BACH1: variants seen among roughly 807,000 people sequenced by gnomAD.
The protein encoded by BACH1 is transcription regulator protein BACH1.
In BACH1, 35 loss-of-function variants were observed where a neutral mutation model predicts 52.9. The observed-to-expected ratio is 0.66, with a 90% CI of 0.51 to 0.88. The LOEUF is 0.88. Among genes scored for constraint, BACH1 ranks in the 40% least tolerant of loss-of-function variants. The pLI is 0.00. For synonymous variants in BACH1, 321 were observed against 319.6 expected (o/e 1.00, Z -0.05); for missense variants, 808 against 872.6 (o/e 0.93, Z 0.93).
intron 2 of BACH1, among the ~76,000 whole-genome samples, chr21:29,351,333 T>C (rs1301542982): frequency 6.6e-6 from 1 of 152,204 alleles, no homozygotes; most frequent in Non-Finnish European, 1.5e-5. Context: ...AACTTAAGCT[T>C]TCTAAAGTAA....
chr21:29,351,280 C>G (rs966860819), intron 2 of BACH1, among the ~76,000 whole-genome samples: 10 of 152,154 alleles, frequency 6.6e-5, no homozygotes, highest in Admixed American at 6.5e-4. Flanking sequence ...GGCAGGAGAT[C>G]CTGTTAACAA....
rs192478988 is a variant in BACH1, at chr21:29,356,466, A to G, written c.472+26773A>G. Among the ~76,000 whole-genome samples, 255 of 152,290 alleles carry G rather than the reference A, an allele frequency of 1.7e-3. 2 individuals carry two copies. The highest frequency in any genetic ancestry group is 5.6e-3 in the African/African-American group (231 of 41,548). On this transcript the variant is annotated intron_variant, in intron 2 of 4. Transcript: ENST00000422809. ...GTTTGAACAGACCAATTATTAGGCA[A>G]TTTTCTTAACTGCTTCTACAAGAGT... is the stretch of plus-strand genomic sequence containing the variant.
intron 2 of BACH1, among the ~76,000 whole-genome samples, chr21:29,353,860 T>C (rs1389194826): frequency 6.6e-6 from 1 of 152,090 alleles, no homozygotes; most frequent in Non-Finnish European, 1.5e-5. Flanking sequence ...AGAAGAAGAA[T>C]TGGCACTGGT....
At chr21:29,313,598 G>A (rs2088752834) in intron 1 of BACH1, among the ~76,000 whole-genome samples, 1 of 152,220 alleles carries the variant, frequency 6.6e-6, no homozygotes, top group South Asian at 2.1e-4. Flanking sequence ...GCATATCCAT[G>A]TAATGGAGTG....
rs1299483099 is a variant in BACH1, at chr21:29,345,928, T to A, written c.*3095T>A. Reference sequence around the variant, plus strand: ...AGAAGCAGAAAAACATTGATTTTTTTATATCTTTCATAATATAATTTTCTA... The same window carrying A: ...AGAAGCAGAAAAACATTGATTTTTTAATATCTTTCATAATATAATTTTCTA... On this transcript the variant is annotated 3_prime_UTR_variant, in exon 5 of 5. Coordinates refer to ENST00000286800, the MANE Select transcript of BACH1 (RefSeq NM_001186.4). The A allele has an allele frequency of 1.3e-5, 2 of 152,658 alleles. No individual in the cohort carries two copies. Among genetic ancestry groups the A allele is most frequent in the Non-Finnish European group, 2.9e-5 (2 of 68,032 alleles). The allele number at this position is 152,658 out of a possible 1,614,324, so 9.5% of individuals were successfully genotyped here.
intron 1 of BACH1, among the ~76,000 whole-genome samples, chr21:29,318,447 C>T (rs946221475): frequency 6.6e-6 from 1 of 152,202 alleles, no homozygotes; most frequent in African/African-American, 2.4e-5. Context: ...GGAGACTGAT[C>T]CTTCTTAGAG....
At chr21:29,352,044 C>T (rs1014274252) in intron 2 of BACH1, among the ~76,000 whole-genome samples, 1 of 151,506 alleles carries the variant, frequency 6.6e-6, no homozygotes, top group East Asian at 1.9e-4. Flanking sequence ...TGCAGTGAGA[C>T]AGACCTAGTT....
At chr21:29,339,444 G>A (rs563996404) in intron 4 of BACH1, among the ~76,000 whole-genome samples, 1 of 151,936 alleles carries the variant, frequency 6.6e-6, no homozygotes, top group Admixed American at 6.6e-5. Flanking sequence ...ACTTACTAAG[G>A]AACTATTAGT....
intron 2 of BACH1, among the ~76,000 whole-genome samples, chr21:29,323,412 G>C (rs1453040688): frequency 2.0e-5 from 3 of 152,180 alleles, no homozygotes; most frequent in African/African-American, 7.2e-5. Context: ...GCAAACCGCT[G>C]GTGTAAGTCT....
At chr21:29,358,770 A>AG (rs1555888603) in intron 2 of BACH1, among the ~76,000 whole-genome samples, 1 of 108,890 alleles carries the variant, frequency 9.2e-6, no homozygotes, top group Non-Finnish European at 1.9e-5. Flanking sequence ...AAAAGAAAAG[A>AG]AAAGAAAGAA....
chr21:29,312,936 A>T (rs1350430567), intron 1 of BACH1, among the ~76,000 whole-genome samples: 4 of 152,224 alleles, frequency 2.6e-5, no homozygotes, highest in South Asian at 2.1e-4. Context: ...GACATTTCAC[A>T]AAAGAAGGTA....
At chr21:29,350,953 C>G (rs1231927506), downstream of BACH1, among the ~76,000 whole-genome samples, 1 of 152,208 alleles carries the variant, frequency 6.6e-6, no homozygotes, top group Non-Finnish European at 1.5e-5. Flanking sequence ...AACATAGGTT[C>G]AGGTTTAAAA....
downstream of BACH1, among the ~76,000 whole-genome samples, chr21:29,350,934 A>G (rs2089198632): frequency 6.6e-6 from 1 of 152,218 alleles, no homozygotes; most frequent in African/African-American, 2.4e-5. Context: ...ACACTCCACT[A>G]CTAGCGGGAA....
chr21:29,329,177 A>G (rs929475099), intron 3 of BACH1, among the ~76,000 whole-genome samples: 2 of 152,116 alleles, frequency 1.3e-5, no homozygotes, highest in African/African-American at 4.8e-5. Flanking sequence ...GCATGGTGGC[A>G]TGTGCCAGTA....
At chr21:29,338,811 A>G (rs2089076035) in intron 4 of BACH1, among the ~76,000 whole-genome samples, 1 of 151,654 alleles carries the variant, frequency 6.6e-6, no homozygotes, top group Non-Finnish European at 1.5e-5. Context: ...ATAGGTAACC[A>G]TTTTCATTAG....
At chr21:29,324,552 T>C (rs2088887176) in intron 2 of BACH1, among the ~76,000 whole-genome samples, 1 of 142,618 alleles carries the variant, frequency 7.0e-6, no homozygotes, top group Non-Finnish European at 1.6e-5. Flanking sequence ...AGTATGGATG[T>C]ACCTTGTGTG....
chr21:29,306,198 G>A (rs1288391569), intron 1 of BACH1, among the ~76,000 whole-genome samples: 3 of 151,238 alleles, frequency 2.0e-5, no homozygotes, highest in African/African-American at 7.3e-5. Flanking sequence ...GTGTGTGTGT[G>A]TGTGTGTGTG....
intron 2 of BACH1, among the ~76,000 whole-genome samples, chr21:29,353,712 A>AGAT (rs1165860493): frequency 6.6e-6 from 1 of 152,180 alleles, no homozygotes; most frequent in Admixed American, 6.5e-5. Flanking sequence ...GGGGGCTATG[A>AGAT]GATGCCCACT....
rs1021090453 is a variant in BACH1 at position 29,326,850 on chromosome 21, C to T, written c.1026C>T (p.Asn342=). Residue 342 remains asparagine, a synonymous_variant, in exon 3 of 5, where the codon AAC becomes AAT. Coordinates refer to ENST00000286800, the MANE Select transcript of BACH1 (RefSeq NM_001186.4). ...YGDLNFAGMQ[N]TTVLTEKPLS... The stretch of plus-strand genomic sequence containing the variant: ...ACTTGAATTTTGCTGGTATGCAAAA[C>T]ACAACAGTGTTAACAGAAAAGCCTT... 1 of 1,614,176 alleles carries T rather than the reference C, an allele frequency of 6.2e-7. No individual in the cohort carries two copies. Among genetic ancestry groups the T allele is most frequent in the East Asian group, 2.2e-5 (1 of 44,882 alleles).
Sources: gnomAD v4.1 joint callset for allele counts (sites outside exome capture counted in the v4.1 genomes callset) on GRCh38, gnomAD v4.1.1 for gene constraint, MANE v1.5 for transcripts, NCBI Gene and HGNC (gene_info 2026-07-23, HGNC 2026-07-21) for gene names.